The following GPAT3 variants were observed in gnomAD, a reference collection of about 807,000 sequenced individuals.
GPAT3 encodes 1-AGP acyltransferase 9.
A neutral mutation model predicts 58.8 loss-of-function variants in GPAT3; 53 were observed. The observed-to-expected ratio is 0.90, with a 90% CI of 0.72 to 1.13. The LOEUF is 1.13. Among genes scored for constraint, GPAT3 ranks in the 50% most tolerant of loss-of-function variants. The pLI, the probability that GPAT3 is intolerant of heterozygous loss-of-function variation, is 0.00. For missense variants in GPAT3, 511 were observed against 527.6 expected (o/e 0.97, Z 0.31); for synonymous variants, 197 against 187.4 (o/e 1.05, Z -0.42).
intron 11 of GPAT3, among the ~76,000 whole-genome samples, chr4:83,600,815 C>T (rs1362681768): frequency 6.6e-6 from 1 of 152,086 alleles, no homozygotes; most frequent in Non-Finnish European, 1.5e-5. Context: ...AGATTGGATT[C>T]TTATTTACAT....
intron 2 of GPAT3, among the ~76,000 whole-genome samples, chr4:83,546,379 G>GTTTT (rs373055285): frequency 7.3e-6 from 1 of 136,126 alleles, no homozygotes. Context: ...CGTGGATTTA[G>GTTTT]TTTTTTTTTT....
At chr4:83,578,972 C>CTT (rs1553946776) in intron 2 of GPAT3, among the ~76,000 whole-genome samples, 2 of 99,922 alleles carry the variant, frequency 2.0e-5, no homozygotes, top group Admixed American at 1.2e-4. Context: ...TTCTTTCTTT[C>CTT]TTTCTTTCTT....
At chr4:83,590,320 T>C (rs372643554) in intron 6 of GPAT3, 28 bp downstream of exon 6, 57 of 1,595,466 alleles carry the variant, frequency 3.6e-5, no homozygotes, top group Non-Finnish European at 2.6e-5. Flanking sequence ...ATATTTCAAG[T>C]AGTTGCATGT....
intron 1 of GPAT3, 35 bp downstream of exon 1, chr4:83,536,798 C>A (rs1184454479): frequency 1.3e-6 from 2 of 1,569,852 alleles, no homozygotes; most frequent in Non-Finnish European, 1.7e-6. Flanking sequence ...AGCCCCACAC[C>A]GCTGCGGGCT....
intron 2 of GPAT3, among the ~76,000 whole-genome samples, chr4:83,579,518 T>C (rs1726028291): frequency 1.3e-5 from 2 of 151,932 alleles, no homozygotes; most frequent in Admixed American, 6.6e-5. Context: ...TCTCAAACTC[T>C]TGGGCTCAAG....
At chr4:83,544,716 T>C (rs1724442838) in intron 2 of GPAT3, 114 bp downstream of exon 2, 2 of 1,009,102 alleles carry the variant, frequency 2.0e-6, no homozygotes, top group South Asian at 1.5e-5. Flanking sequence ...GGTTTGGATC[T>C]TTCATAATTC....
Position 83,578,989 on chromosome 4 carries a change from C to CT in GPAT3, c.209-2571dup, listed in dbSNP as rs1560620758. Among the ~76,000 whole-genome samples, 26 of 58,976 alleles carry CT rather than the reference C, an allele frequency of 4.4e-4. 3 individuals carry two copies. The highest frequency in any genetic ancestry group is 1.4e-3 in the African/African-American group (22 of 15,464). 38.7% of individuals were successfully genotyped at this position (58,976 alleles called of 152,430 possible). Reference sequence around the variant, plus strand: ...CTTTCTTTCTTTCTTTCTTTCTTTCCTTCCTTCCTTCCTTCCTTCCTTCTT... The same window carrying CT: ...CTTTCTTTCTTTCTTTCTTTCTTTCCTTTCCTTCCTTCCTTCCTTCCTTCTT... On this transcript the variant is annotated intron_variant, in intron 2 of 11. Transcript: ENST00000264409.
chr4:83,565,823 A>G (rs1322106136), intron 2 of GPAT3, among the ~76,000 whole-genome samples: 1 of 152,200 alleles, frequency 6.6e-6, no homozygotes, highest in Non-Finnish European at 1.5e-5. Flanking sequence ...GCCTCCACCC[A>G]ATTTGTTGGT....
At chr4:83,585,172 A>G (rs1726332054) in intron 3 of GPAT3, among the ~76,000 whole-genome samples, 1 of 152,090 alleles carries the variant, frequency 6.6e-6, no homozygotes, top group Admixed American at 6.5e-5. Context: ...CTGACCTTCA[A>G]ATTGCTATGT....
rs1560611271 is a variant in GPAT3, at chr4:83,562,237, ATATATATATAT to A, written c.208+17636_208+17646del. Among the ~76,000 whole-genome samples the A allele has an allele frequency of 2.0e-4, 14 of 69,800 alleles. No homozygotes were observed. In the East Asian group the frequency reaches 6.2e-3, roughly 31 times the overall value. 45.8% of individuals were successfully genotyped at this position (69,800 alleles called of 152,430 possible). A position where few individuals can be genotyped will look rare whatever the true frequency, so the allele number is the denominator to read the frequency against. On this transcript the variant is annotated intron_variant, in intron 2 of 11. Transcript: ENST00000264409. ...TATATATATATATAATATATATATA[ATATATATATAT>A]AAAATATAGTTTGGCTGCAGCTAGA... is the stretch of plus-strand genomic sequence containing the variant.
chr4:83,574,621 T>C (rs1412501258), intron 2 of GPAT3, among the ~76,000 whole-genome samples: 1 of 122,544 alleles, frequency 8.2e-6, no homozygotes, highest in African/African-American at 2.9e-5. Context: ...TAAAGTAAAA[T>C]GAATTTTTTT....
intron 1 of GPAT3, among the ~76,000 whole-genome samples, chr4:83,540,895 G>T (rs1724277995): frequency 6.6e-6 from 1 of 152,010 alleles, no homozygotes; most frequent in Admixed American, 6.6e-5. Context: ...TCACTATGTT[G>T]GTCAGGCTGG....
At chr4:83,562,199 A>AAT (rs1553944888) in intron 2 of GPAT3, among the ~76,000 whole-genome samples, 15 of 36,044 alleles carry the variant, frequency 4.2e-4, no homozygotes, top group Non-Finnish European at 7.8e-4. Context: ...ATATATATAT[A>AAT]ATATATATAT....
At chr4:83,562,236 A>AT (rs1189594840) in intron 2 of GPAT3, among the ~76,000 whole-genome samples, 69 of 74,076 alleles carry the variant, frequency 9.3e-4, no homozygotes, top group African/African-American at 2.9e-3. Context: ...ATATATATAT[A>AT]ATATATATAT....
intron 6 of GPAT3, among the ~76,000 whole-genome samples, chr4:83,590,885 C>CTT (rs5859882): frequency 1.5e-3 from 168 of 114,300 alleles, no homozygotes; most frequent in East Asian, 6.9e-3. Context: ...GAATCATATT[C>CTT]TTTTTTTTTT....
chr4:83,548,389 C>T (rs1194133959), intron 2 of GPAT3, among the ~76,000 whole-genome samples: 1 of 152,130 alleles, frequency 6.6e-6, no homozygotes, highest in African/African-American at 2.4e-5. Context: ...GATTATGATG[C>T]TGTTAGGTTG....
At chr4:83,560,713 T>C (rs1420247199) in intron 2 of GPAT3, among the ~76,000 whole-genome samples, 1 of 152,096 alleles carries the variant, frequency 6.6e-6, no homozygotes, top group Non-Finnish European at 1.5e-5. Context: ...AGGGAGGTGG[T>C]TAGATCACAG....
chr4:83,573,227 C>T (rs1725666911), intron 2 of GPAT3, among the ~76,000 whole-genome samples: 1 of 152,306 alleles, frequency 6.6e-6, no homozygotes, highest in African/African-American at 2.4e-5. Flanking sequence ...GCAACCTCCT[C>T]TTCCTGTGTT....
Position 83,590,257 on chromosome 4 carries a change from GT to G in GPAT3, c.707del (p.Leu236Ter). On this transcript the variant is annotated frameshift_variant, in exon 6 of 12. Transcript: ENST00000264409. LOFTEE classifies it high-confidence loss of function. The part of the protein sequence containing the change: ...CVANHTSPID[V>X]LILTTDGCYA... ...TGCCAACCATACTTCCCCCATTGAT[GT>G]TTTAATCTTGACAACGGATGGATGT... is the stretch of plus-strand genomic sequence containing the variant. The G allele has an allele frequency of 6.2e-7, 1 of 1,613,828 alleles. No individual in the cohort carries two copies. The highest frequency in any genetic ancestry group is 8.5e-7 in the Non-Finnish European group (1 of 1,179,836).
Sources: gnomAD v4.1 joint callset for allele counts (sites outside exome capture counted in the v4.1 genomes callset) on GRCh38, gnomAD v4.1.1 for gene constraint, MANE v1.5 for transcripts, NCBI Gene and HGNC (gene_info 2026-07-23, HGNC 2026-07-21) for gene names.